NTM: variants seen among roughly 807,000 people sequenced by gnomAD.
NTM encodes neurotrimin.
NTM carries 13 observed loss-of-function variants against 42.1 expected under a neutral mutation model. The ratio of observed to expected loss-of-function variants is 0.31; its 90% CI spans 0.20 to 0.49. The LOEUF (loss-of-function observed/expected upper bound fraction) is 0.49. NTM is among the 20% of genes least tolerant of loss of function. The pLI, the probability that NTM is intolerant of heterozygous loss-of-function variation, is 0.99. For missense variants in NTM, 373 were observed against 452.8 expected (o/e 0.82, Z 1.60); for synonymous variants, 187 against 179.2 (o/e 1.04, Z -0.35).
At chr11:131,429,579 G>T (rs552665615) in intron 1 of NTM, among the ~76,000 whole-genome samples, 1 of 152,110 alleles carries the variant, frequency 6.6e-6, no homozygotes. Flanking sequence ...TGTTTATCTC[G>T]CATAGGAGTG....
chr11:132,290,590 T>G (rs2094424006), intron 4 of NTM, among the ~76,000 whole-genome samples: 1 of 152,224 alleles, frequency 6.6e-6, no homozygotes, highest in Admixed American at 6.5e-5. Flanking sequence ...CAGCTTTATT[T>G]TTGTGCATTT....
At chr11:131,953,600 T>C (rs1018663324) in intron 2 of NTM, among the ~76,000 whole-genome samples, 4 of 152,196 alleles carry the variant, frequency 2.6e-5, no homozygotes, top group African/African-American at 9.7e-5. Context: ...ACTGAAGTGA[T>C]GGCTTTCTGT....
chr11:131,893,809 A>C (rs1200976125), intron 1 of NTM, among the ~76,000 whole-genome samples: 1 of 152,154 alleles, frequency 6.6e-6, no homozygotes, highest in Non-Finnish European at 1.5e-5. Flanking sequence ...CATGCTCGGC[A>C]TGTGAGATCT....
chr11:131,800,980 A>G (rs879632025), intron 1 of NTM, among the ~76,000 whole-genome samples: 10 of 152,176 alleles, frequency 6.6e-5, no homozygotes, highest in Non-Finnish European at 1.5e-4. Flanking sequence ...GATTCCGGTT[A>G]TAGGAAATTG....
At chr11:131,500,948 A>G (rs940914853) in intron 1 of NTM, among the ~76,000 whole-genome samples, 5 of 151,524 alleles carry the variant, frequency 3.3e-5, no homozygotes, top group African/African-American at 1.2e-4. Flanking sequence ...ATAGTATTCT[A>G]TGGTGTATAT....
chr11:132,175,240 G>C (rs1026897353), intron 3 of NTM, among the ~76,000 whole-genome samples: 3 of 152,078 alleles, frequency 2.0e-5, no homozygotes, highest in African/African-American at 7.2e-5. Context: ...CTTGAGCTAT[G>C]ATCTTCTCTC....
In NTM at chr11:132,172,743, C is replaced by T. The variant is rs79742803; in HGVS notation, c.400+26229C>T. Among the ~76,000 whole-genome samples the T allele has an allele frequency of 2.9e-3, 440 of 152,294 alleles. No individual in the cohort carries two copies. In the Middle Eastern group the frequency reaches 0.034, roughly 12 times the overall value. On this transcript the variant is annotated intron_variant, in intron 3 of 8. Coordinates refer to ENST00000683400, the MANE Select transcript of NTM (RefSeq NM_001352005.2). ...AGGACCCAGGGTCTTCAGGCTATTT[C>T]TGTCTCAAGTTATTTTGATTTTCCC...
In NTM at chr11:132,133,219, C is replaced by A. The variant is rs188743973; in HGVS notation, c.168-13063C>A. Among the ~76,000 whole-genome samples, 10 of 152,320 alleles carry A rather than the reference C, an allele frequency of 6.6e-5. No homozygotes were observed. The East Asian group carries it at 1.9e-3, about 29-fold the overall frequency. On this transcript the variant is annotated intron_variant, in intron 2 of 8. Coordinates refer to ENST00000683400, the MANE Select transcript of NTM (RefSeq NM_001352005.2). ...TCAGCAGAAACTTCACTTCTACAAG[C>A]CCTTCCCTGACCCATTAGACTAGGC...
intron 2 of NTM, among the ~76,000 whole-genome samples, chr11:132,070,803 G>GAA (rs1566081663): frequency 3.4e-5 from 4 of 118,034 alleles, no homozygotes; most frequent in East Asian, 2.8e-4. Context: ...CACACTGACC[G>GAA]TCACAGGTTA....
chr11:132,111,548 A>T (rs2063201573), intron 2 of NTM, among the ~76,000 whole-genome samples: 1 of 152,158 alleles, frequency 6.6e-6, no homozygotes, highest in Non-Finnish European at 1.5e-5. Flanking sequence ...CCAATTCGTG[A>T]TGCTGCAGTC....
chr11:132,089,515 T>C (rs1159112540), intron 2 of NTM, among the ~76,000 whole-genome samples: 1 of 152,208 alleles, frequency 6.6e-6, no homozygotes, highest in Admixed American at 6.5e-5. Flanking sequence ...GACTATGGCA[T>C]TTGCTATTGT....
rs145067726 is a variant in NTM at position 132,086,091 on chromosome 11, G to A, written c.168-60191G>A. 9.9e-5 allele frequency among the ~76,000 whole-genome samples: 15 copies of A among 152,058 alleles called. No homozygotes were observed. In the East Asian group the frequency reaches 1.9e-3, roughly 20 times the overall value. On this transcript the variant is annotated intron_variant, in intron 2 of 8. Coordinates refer to ENST00000683400, the MANE Select transcript of NTM (RefSeq NM_001352005.2). Reference sequence around the variant, plus strand: ...TGTAATCCCAGCACTTTGGGAGGCCGAGGTGGGTGGATCACGAGGTCAGGA... The same window carrying A: ...TGTAATCCCAGCACTTTGGGAGGCCAAGGTGGGTGGATCACGAGGTCAGGA...
intron 1 of NTM, among the ~76,000 whole-genome samples, chr11:131,878,662 A>T (rs917665915): frequency 7.4e-6 from 1 of 135,552 alleles, no homozygotes; most frequent in African/African-American, 2.8e-5. Context: ...TTCATACAGC[A>T]CTTTACAGCC....
At chr11:132,296,182 G>C (rs2094602579) in intron 4 of NTM, among the ~76,000 whole-genome samples, 1 of 152,192 alleles carries the variant, frequency 6.6e-6, no homozygotes, top group South Asian at 2.1e-4. Context: ...AGCATACAGA[G>C]TAGGCATTTC....
chr11:131,602,682 T>A (rs554433496), intron 1 of NTM, among the ~76,000 whole-genome samples: 147 of 152,326 alleles, frequency 9.7e-4, no homozygotes, highest in Non-Finnish European at 1.7e-3. Flanking sequence ...CACACATCCA[T>A]CTGTCTACTT....
intron 1 of NTM, among the ~76,000 whole-genome samples, chr11:131,766,272 G>A (rs998069009): frequency 6.6e-6 from 1 of 152,194 alleles, no homozygotes; most frequent in African/African-American, 2.4e-5. Flanking sequence ...CACTTGAGGA[G>A]TTGATGACCA....
At chr11:132,197,577 C>T (rs1038507309) in intron 3 of NTM, among the ~76,000 whole-genome samples, 10 of 151,348 alleles carry the variant, frequency 6.6e-5, no homozygotes, top group African/African-American at 4.9e-5. Flanking sequence ...TATACATGTG[C>T]CATGTTGGTG....
intron 1 of NTM, among the ~76,000 whole-genome samples, chr11:131,533,380 G>A (rs542147145): frequency 6.6e-5 from 10 of 152,334 alleles, no homozygotes; most frequent in South Asian, 2.1e-4. Flanking sequence ...GTGATGCTGC[G>A]CGGCCTTGAT....
At chr11:132,033,503 G>A (rs925363090) in intron 2 of NTM, among the ~76,000 whole-genome samples, 2 of 152,212 alleles carry the variant, frequency 1.3e-5, no homozygotes, top group African/African-American at 2.4e-5. Context: ...AATTGCAGGT[G>A]TAGACAGAAG....
Sources: allele counts gnomAD v4.1 joint callset (sites outside exome capture counted in the v4.1 genomes callset), GRCh38; gene constraint gnomAD v4.1.1; transcripts MANE v1.5; gene names NCBI Gene and HGNC (gene_info 2026-07-23, HGNC 2026-07-21).